Variants in KCNAB2 observed in about 807,000 individuals in gnomAD.
The protein encoded by KCNAB2 is potassium voltage-gated channel subfamily A regulatory beta subunit 2.
In KCNAB2, 29 loss-of-function variants were observed where a neutral mutation model predicts 63.6. The observed-to-expected ratio is 0.46, with a 90% CI of 0.34 to 0.62. KCNAB2 has a LOEUF of 0.62. Among genes scored for constraint, KCNAB2 ranks in the 20% least tolerant of loss-of-function variants. The pLI is 0.01. For synonymous variants in KCNAB2, 222 were observed against 224.2 expected (o/e 0.99, Z 0.09); for missense variants, 359 against 563.9 (o/e 0.64, Z 3.68).
intron 10 of KCNAB2, among the ~76,000 whole-genome samples, chr1:6,091,633 C>T (rs1665196747): frequency 1.3e-5 from 2 of 152,078 alleles, no homozygotes; most frequent in Admixed American, 1.3e-4. Context: ...GAGCCTTGAC[C>T]CTGGATGGTG....
chr1:6,001,462 C>T (rs973442253), intron 1 of KCNAB2, among the ~76,000 whole-genome samples: 44 of 152,284 alleles, frequency 2.9e-4, no homozygotes, highest in African/African-American at 9.6e-4. Flanking sequence ...GAGGGTCTCC[C>T]CAACCCTCTA....
intron 2 of KCNAB2, among the ~76,000 whole-genome samples, chr1:6,059,730 G>A (rs190390489): frequency 2.1e-4 from 32 of 152,264 alleles, no homozygotes; most frequent in Middle Eastern, 6.8e-3. Context: ...GAGCAGAGCC[G>A]GCCATCTCAC....
chr1:6,089,418 G>A (rs972556599), intron 8 of KCNAB2, among the ~76,000 whole-genome samples: 4 of 152,236 alleles, frequency 2.6e-5, no homozygotes, highest in Admixed American at 6.5e-5. Flanking sequence ...TGCCTGCAGC[G>A]CCCAGGAGAA....
intron 1 of KCNAB2, among the ~76,000 whole-genome samples, chr1:5,992,981 G>A (rs939189678): frequency 2.0e-5 from 3 of 151,784 alleles, no homozygotes; most frequent in Admixed American, 1.3e-4. Flanking sequence ...CTTCTCCATC[G>A]TCTCCCTTCC....
intron 10 of KCNAB2, among the ~76,000 whole-genome samples, chr1:6,091,942 AG>A (rs34764537): frequency 3.9e-5 from 6 of 152,206 alleles, no homozygotes; most frequent in Admixed American, 3.3e-4. Flanking sequence ...TTCTGAAACC[AG>A]GGGGTGGCCT....
chr1:6,022,879 C>CTTTTTTTTTTTTTT (rs34874871), intron 1 of KCNAB2, among the ~76,000 whole-genome samples: 1 of 86,990 alleles, frequency 1.1e-5, no homozygotes, highest in South Asian at 3.7e-4. Context: ...TTTTGCTTAT[C>CTTTTTTTTTTTTTT]TTTTTTTTTT....
intron 8 of KCNAB2, among the ~76,000 whole-genome samples, chr1:6,089,750 T>A (rs752991153): frequency 2.0e-5 from 3 of 152,196 alleles, no homozygotes; most frequent in Non-Finnish European, 4.4e-5. Flanking sequence ...CAGGCTGGAG[T>A]GCAGCGGCAC....
At chr1:6,072,719 T>A (rs766186221) in intron 2 of KCNAB2, 36 bp from the exon 3 acceptor site, 1 of 1,612,116 alleles carries the variant, frequency 6.2e-7, no homozygotes, top group Non-Finnish European at 8.5e-7. Flanking sequence ...GGGTCCTGCC[T>A]GGGTGCTGAG....
chr1:6,058,499 T>C (rs1224345959), intron 2 of KCNAB2, among the ~76,000 whole-genome samples: 1 of 152,220 alleles, frequency 6.6e-6, no homozygotes, highest in Non-Finnish European at 1.5e-5. Flanking sequence ...TACAGCAGAA[T>C]TGTCCTGAGG....
chr1:6,064,068 C>A (rs534653782), intron 2 of KCNAB2, among the ~76,000 whole-genome samples: 1 of 152,178 alleles, frequency 6.6e-6, no homozygotes, highest in South Asian at 2.1e-4. Flanking sequence ...TGTTGCCAGC[C>A]TTTGTGGGAT....
intron 10 of KCNAB2, 144 bp downstream of exon 10, chr1:6,091,451 A>T: frequency 1.5e-6 from 1 of 646,308 alleles, no homozygotes. Flanking sequence ...CCCTATGAGA[A>T]CACCTTGCAA....
chr1:6,061,540 C>T (rs1000190971), intron 2 of KCNAB2, among the ~76,000 whole-genome samples: 1 of 152,240 alleles, frequency 6.6e-6, no homozygotes, highest in African/African-American at 2.4e-5. Context: ...CTGGACAATT[C>T]TCTGTCATGG....
rs1374161064 is a variant in KCNAB2 at position 6,035,071 on chromosome 1, G to A, written c.-53+277G>A. Among the ~76,000 whole-genome samples the A allele has an allele frequency of 6.6e-6, 1 of 152,182 alleles. No homozygotes were observed. The highest frequency in any genetic ancestry group is 1.9e-4 in the East Asian group (1 of 5,182). On this transcript the variant is annotated intron_variant, in intron 1 of 15. Coordinates refer to the KCNAB2 transcript ENST00000164247. This position sits in a 1 kb window ranked among gnomAD's most constrained non-coding sequence, Gnocchi z 5.0. ...CCAGGGAAGACCTCCATGAGAAGGTGACCTTGGCATAAAGAGGCAAACGTG... is the reference window on the plus strand; with the variant it reads ...CCAGGGAAGACCTCCATGAGAAGGTAACCTTGGCATAAAGAGGCAAACGTG...
intron 1 of KCNAB2, among the ~76,000 whole-genome samples, chr1:5,996,751 G>T (rs1411183476): frequency 6.6e-6 from 1 of 152,278 alleles, no homozygotes; most frequent in African/African-American, 2.4e-5. Context: ...TGGACCCAGT[G>T]AGAAGGCTTT....
At chr1:6,029,379 G>T (rs749373181), upstream of KCNAB2, among the ~76,000 whole-genome samples, 1 of 152,176 alleles carries the variant, frequency 6.6e-6, no homozygotes, top group African/African-American at 2.4e-5. Context: ...AGTAGAGCAG[G>T]TGTTGTAACA....
chr1:5,997,776 A>G (rs1156764270), intron 1 of KCNAB2, among the ~76,000 whole-genome samples: 1 of 152,250 alleles, frequency 6.6e-6, no homozygotes, highest in African/African-American at 2.4e-5. Context: ...CAGGAGGGTA[A>G]GGAATAACTA....
Position 6,100,622 on chromosome 1 carries a change from G to A in KCNAB2, c.*2048G>A, listed in dbSNP as rs1665968541. 9.9e-6 allele frequency: 1 copy of A among 101,334 alleles called. No homozygotes were observed. The highest frequency in any genetic ancestry group is 2.0e-5 in the Non-Finnish European group (1 of 48,816). 6.3% of individuals were successfully genotyped at this position (101,334 alleles called of 1,614,324 possible). A position where few individuals can be genotyped will look rare whatever the true frequency, so the allele number is the denominator to read the frequency against. The stretch of plus-strand genomic sequence containing the variant: ...TGCTGCTTAATGCGAGGCACACCTG[G>A]GGCAGCTGAGCCCCCAAAGGCTGCG... On this transcript the variant is annotated 3_prime_UTR_variant, in exon 16 of 16. Transcript: ENST00000378083.
At chr1:6,001,939 C>A (rs1657285450) in intron 1 of KCNAB2, among the ~76,000 whole-genome samples, 1 of 152,154 alleles carries the variant, frequency 6.6e-6, no homozygotes, top group Non-Finnish European at 1.5e-5. Flanking sequence ...TGACTGAGCC[C>A]CCTCGATGTC....
In KCNAB2 at chr1:5,996,334, A is replaced by C. The variant is rs895540746; in HGVS notation, c.-53+3546A>C. Among the ~76,000 whole-genome samples, 50 of 152,180 alleles carry C rather than the reference A, an allele frequency of 3.3e-4. 1 individual carries two copies. The highest frequency in any genetic ancestry group is 1.5e-4 in the Non-Finnish European group (10 of 68,012). On this transcript the variant is annotated intron_variant, in intron 1 of 16. Transcript: ENST00000341524. Reference sequence around the variant, plus strand: ...TCCTCTGCCACATCCTGGGGAACTCAGATGAAGGCCAGCCTCCCTCTTCCT... The same window carrying C: ...TCCTCTGCCACATCCTGGGGAACTCCGATGAAGGCCAGCCTCCCTCTTCCT...
Sources: allele counts gnomAD v4.1 joint callset (sites outside exome capture counted in the v4.1 genomes callset), GRCh38; gene constraint gnomAD v4.1.1; non-coding constraint Gnocchi (gnomAD v3.1); transcripts MANE v1.5; gene names NCBI Gene and HGNC (gene_info 2026-07-23, HGNC 2026-07-21).